FNIP1: variants seen among roughly 807,000 people sequenced by gnomAD.
The protein encoded by FNIP1 is folliculin interacting protein 1.
Under a neutral mutation model 124.5 loss-of-function variants are expected in FNIP1, and 40 were observed. The observed-to-expected ratio is 0.32, with a 90% CI of 0.25 to 0.42. FNIP1 has a LOEUF of 0.42. FNIP1 is among the 10% of genes least tolerant of loss of function. The pLI, the probability that FNIP1 is intolerant of heterozygous loss-of-function variation, is 1.00. For synonymous variants in FNIP1, 472 were observed against 470.6 expected (o/e 1.00, Z -0.04); for missense variants, 1,176 against 1,403.7 (o/e 0.84, Z 2.59).
chr5:131,647,728 A>G (rs2149501955), intron 16 of FNIP1, among the ~76,000 whole-genome samples: 1 of 152,160 alleles, frequency 6.6e-6, no homozygotes, highest in African/African-American at 2.4e-5. Flanking sequence ...CACCCACCTC[A>G]GCCTCCAAAG....
At chr5:131,785,246 A>G (rs1772167113) in intron 1 of FNIP1, among the ~76,000 whole-genome samples, 1 of 150,090 alleles carries the variant, frequency 6.7e-6, no homozygotes, top group Non-Finnish European at 1.5e-5. Context: ...TCAACACATA[A>G]TATTTTGAGT....
chr5:131,673,692 G>A (rs1199759039), intron 13 of FNIP1, among the ~76,000 whole-genome samples: 1 of 152,152 alleles, frequency 6.6e-6, no homozygotes, highest in Non-Finnish European at 1.5e-5. Context: ...TGGTAAAATG[G>A]AGCAAAGCTA....
intron 15 of FNIP1, among the ~76,000 whole-genome samples, chr5:131,658,849 T>C (rs1181531802): frequency 7.5e-6 from 1 of 132,822 alleles, no homozygotes; most frequent in Non-Finnish European, 1.5e-5. Context: ...TGGGGGATGC[T>C]TGCTCCAGCT....
chr5:131,648,059 G>A (rs1165560510), intron 16 of FNIP1, among the ~76,000 whole-genome samples: 1 of 151,606 alleles, frequency 6.6e-6, no homozygotes, highest in African/African-American at 2.4e-5. Context: ...TCTGGGCATG[G>A]TGGCTCATAC....
At chr5:131,732,555 C>A (rs1286389521) in intron 2 of FNIP1, among the ~76,000 whole-genome samples, 1 of 152,194 alleles carries the variant, frequency 6.6e-6, no homozygotes, top group Non-Finnish European at 1.5e-5. Context: ...TATGGCTAGC[C>A]AGTTTTCCCA....
chr5:131,794,952 T>A (rs1263093790), intron 1 of FNIP1, among the ~76,000 whole-genome samples: 1 of 152,250 alleles, frequency 6.6e-6, no homozygotes, highest in African/African-American at 2.4e-5. Context: ...GGTACACAAC[T>A]GTATACGATG....
Position 131,642,100 on chromosome 5 carries a change from T to A in FNIP1, c.*2585A>T, listed in dbSNP as rs1766734564. The A allele has an allele frequency of 6.6e-6, 1 of 152,322 alleles. No homozygotes were observed. The highest frequency in any genetic ancestry group is 1.5e-5 in the Non-Finnish European group (1 of 68,020). 9.4% of individuals were successfully genotyped at this position (152,322 alleles called of 1,614,324 possible). A position where few individuals can be genotyped will look rare whatever the true frequency, so the allele number is the denominator to read the frequency against. ...AATTCTATAATGTAAAAGATCCCTT[T>A]TTTATTTCCTGTTTCAATAAACAGG... On this transcript the variant is annotated 3_prime_UTR_variant, in exon 18 of 18. Coordinates refer to ENST00000510461, the MANE Select transcript of FNIP1 (RefSeq NM_133372.3).
intron 1 of FNIP1, among the ~76,000 whole-genome samples, chr5:131,792,751 G>A (rs1219240014): frequency 2.0e-5 from 3 of 152,114 alleles, no homozygotes; most frequent in Non-Finnish European, 4.4e-5. Flanking sequence ...TAAATTATGT[G>A]CTATTATGTG....
At chr5:131,739,971 A>G (rs1001717331) in intron 2 of FNIP1, among the ~76,000 whole-genome samples, 2 of 152,038 alleles carry the variant, frequency 1.3e-5, no homozygotes, top group Non-Finnish European at 2.9e-5. Flanking sequence ...AGAATCCACT[A>G]TTTAGTTCCA....
At chr5:131,722,671 T>C (rs1277689169) in intron 3 of FNIP1, among the ~76,000 whole-genome samples, 3 of 152,144 alleles carry the variant, frequency 2.0e-5, no homozygotes, top group African/African-American at 7.2e-5. Context: ...TTTTAATACA[T>C]GGCTATTTTT....
chr5:131,763,557 G>A (rs892975538), intron 1 of FNIP1, among the ~76,000 whole-genome samples: 3 of 152,026 alleles, frequency 2.0e-5, no homozygotes, highest in Admixed American at 6.6e-5. Context: ...ACCTCATGGC[G>A]GGAATAGGAG....
At chr5:131,762,248 A>T (rs1375138335) in intron 1 of FNIP1, among the ~76,000 whole-genome samples, 1 of 152,186 alleles carries the variant, frequency 6.6e-6, no homozygotes, top group Non-Finnish European at 1.5e-5. Context: ...GACAAATGGA[A>T]TCACAACAAG....
At chr5:131,748,709 G>GAAAAAA (rs1189333248) in intron 1 of FNIP1, among the ~76,000 whole-genome samples, 1 of 97,860 alleles carries the variant, frequency 1.0e-5, no homozygotes, top group Non-Finnish European at 2.1e-5. Context: ...AAAAAAAAAA[G>GAAAAAA]AAAAAAAAAA....
intron 1 of FNIP1, among the ~76,000 whole-genome samples, chr5:131,778,470 G>T (rs574083178): frequency 1.7e-4 from 25 of 149,588 alleles, no homozygotes; most frequent in African/African-American, 6.2e-4. Flanking sequence ...CAGTTAGAAT[G>T]GCGATCATTA....
intron 15 of FNIP1, among the ~76,000 whole-genome samples, chr5:131,663,355 C>T (rs1342239805): frequency 1.3e-5 from 2 of 152,156 alleles, no homozygotes; most frequent in South Asian, 2.1e-4. Context: ...GGAATTTTTT[C>T]TTGATTCTCT....
intron 1 of FNIP1, chr5:131,796,549 T>A (rs1772603151): frequency 2.0e-6 from 1 of 497,534 alleles, no homozygotes. Context: ...CGGTGCTAGG[T>A]CCGGAGGAGC....
intron 13 of FNIP1, among the ~76,000 whole-genome samples, chr5:131,676,140 G>A (rs1044472784): frequency 2.6e-5 from 4 of 151,974 alleles, no homozygotes; most frequent in African/African-American, 9.7e-5. Flanking sequence ...TCCTGCCTCA[G>A]CCTCTTGAGT....
intron 11 of FNIP1, among the ~76,000 whole-genome samples, chr5:131,680,282 A>T (rs919924484): frequency 6.6e-6 from 1 of 152,218 alleles, no homozygotes; most frequent in African/African-American, 2.4e-5. Flanking sequence ...CAAAAAAGAG[A>T]AGAATTATCT....
chr5:131,738,043 G>C (rs1288829338), intron 2 of FNIP1, among the ~76,000 whole-genome samples: 1 of 152,150 alleles, frequency 6.6e-6, no homozygotes, highest in Non-Finnish European at 1.5e-5. Flanking sequence ...GGAAAGACCT[G>C]AAATCTCAGT....
Sources: allele counts gnomAD v4.1 joint callset (sites outside exome capture counted in the v4.1 genomes callset), GRCh38; gene constraint gnomAD v4.1.1; transcripts MANE v1.5; gene names NCBI Gene and HGNC (gene_info 2026-07-23, HGNC 2026-07-21).